Variants in TRAPPC2 observed in about 807,000 individuals in gnomAD.
TRAPPC2 encodes the protein sedlin.
Under a neutral mutation model 10.0 loss-of-function variants are expected in TRAPPC2, and 4 were observed. The ratio of observed to expected loss-of-function variants is 0.40; its 90% CI spans 0.20 to 0.92. TRAPPC2 has a LOEUF of 0.92. TRAPPC2 is among the 40% of genes least tolerant of loss of function. The probability of loss-of-function intolerance (pLI) is 0.35; values close to 1 mark genes in which losing one functional copy is unlikely to be tolerated. For missense variants in TRAPPC2, 52 were observed against 108.7 expected, an observed-to-expected ratio of 0.48 and a Z score of 2.32; for synonymous variants, 36 against 37.3, an observed-to-expected ratio of 0.97 and a Z score of 0.12.
At chrX:13,725,604 C>A (rs2046530370) in intron 2 of TRAPPC2, among the ~76,000 whole-genome samples, 1 of 112,483 alleles carries the variant, frequency 8.9e-6, no homozygotes, top group Non-Finnish European at 1.9e-5. Flanking sequence ...ATCTGTAGGT[C>A]ACCAACATCA....
intron 2 of TRAPPC2, among the ~76,000 whole-genome samples, chrX:13,724,443 G>C (rs1210180985): frequency 9.3e-5 from 10 of 107,890 alleles, no homozygotes; most frequent in African/African-American, 3.4e-4. Context: ...CTACGATCAG[G>C]AAAAAGCAAG....
intron 2 of TRAPPC2, among the ~76,000 whole-genome samples, chrX:13,732,299 C>T (rs980112573): frequency 1.8e-5 from 2 of 111,928 alleles, no homozygotes; most frequent in African/African-American, 3.3e-5. Context: ...ACAAGAGCAA[C>T]TGAAGTAACA....
chrX:13,724,460 G>A (rs2046498228), intron 2 of TRAPPC2, among the ~76,000 whole-genome samples: 1 of 109,285 alleles, frequency 9.2e-6, no homozygotes. Flanking sequence ...CAAGGGAGAA[G>A]GGTCAACTGC....
intron 3 of TRAPPC2, among the ~76,000 whole-genome samples, chrX:13,718,599 G>A (rs1381061528): frequency 1.8e-5 from 2 of 112,322 alleles, no homozygotes; most frequent in African/African-American, 6.5e-5. Flanking sequence ...AAGTTTTAAT[G>A]AGTAGTGTTC....
chrX:13,714,241 T>G lies in TRAPPC2; in HGVS notation c.*166A>C. 2 of 318,797 alleles carry G rather than the reference T, an allele frequency of 6.3e-6. No individual in the cohort carries two copies. The highest frequency in any genetic ancestry group is 4.7e-5 in the East Asian group (1 of 21,171). 26.3% of individuals were successfully genotyped at this position (318,797 alleles called of 1,213,427 possible). On this transcript the variant is annotated 3_prime_UTR_variant, in exon 6 of 6. Coordinates refer to ENST00000380579, the MANE Select transcript of TRAPPC2 (RefSeq NM_001011658.4). Reference sequence around the variant, plus strand: ...CCAATTGATCTATTGATACGTGACATGAGACAGAATGTACTATTTTTAAAT... The same window carrying G: ...CCAATTGATCTATTGATACGTGACAGGAGACAGAATGTACTATTTTTAAAT...
rs1274410269 is a variant in TRAPPC2 at position 13,714,353 on chromosome X, A to G, written c.*54T>C. 6 of 790,956 alleles carry G rather than the reference A, an allele frequency of 7.6e-6. No homozygotes were observed. Among genetic ancestry groups the G allele is most frequent in the Non-Finnish European group, 9.0e-6 (5 of 555,731 alleles). 65.2% of individuals were successfully genotyped at this position (790,956 alleles called of 1,213,427 possible). A position where few individuals can be genotyped will look rare whatever the true frequency, so the allele number is the denominator to read the frequency against. On this transcript the variant is annotated 3_prime_UTR_variant, in exon 6 of 6. Coordinates refer to ENST00000380579, the MANE Select transcript of TRAPPC2 (RefSeq NM_001011658.4). ...TAATCAAGTAACTTACAATGTACACATTCCTGAGTATACACCATTGTGGTG... is the reference window on the plus strand; with the variant it reads ...TAATCAAGTAACTTACAATGTACACGTTCCTGAGTATACACCATTGTGGTG...
chrX:13,729,884 G>C (rs972135095), intron 2 of TRAPPC2, among the ~76,000 whole-genome samples: 2 of 111,344 alleles, frequency 1.8e-5, no homozygotes, highest in Admixed American at 1.9e-4. Context: ...CTCCAGCCTG[G>C]GCAACAAGAG....
intron 3 of TRAPPC2, among the ~76,000 whole-genome samples, chrX:13,717,468 G>A (rs1313226592): frequency 8.9e-6 from 1 of 111,817 alleles, no homozygotes; most frequent in African/African-American, 3.3e-5. Flanking sequence ...TTGGCCAGGC[G>A]CGGTGGCTTA....
intron 2 of TRAPPC2, among the ~76,000 whole-genome samples, chrX:13,732,545 A>G (rs1275878929): frequency 8.9e-6 from 1 of 112,854 alleles, no homozygotes; most frequent in Non-Finnish European, 1.9e-5. Context: ...GCTGTGATCA[A>G]TTATCCATGT....
In TRAPPC2 at chrX:13,714,230, G is replaced by T; in HGVS notation, c.*177C>A. 1.9e-5 allele frequency: 5 copies of T among 256,712 alleles called. No homozygotes were observed. Among genetic ancestry groups the T allele is most frequent in the East Asian group, 1.2e-4 (2 of 16,041 alleles). The allele number at this position is 256,712 out of a possible 1,213,427, so 21.2% of individuals were successfully genotyped here. ...ACAAGGAAATACCAATTGATCTATT[G>T]ATACGTGACATGAGACAGAATGTAC... On this transcript the variant is annotated 3_prime_UTR_variant, in exon 6 of 6. Coordinates refer to ENST00000380579, the MANE Select transcript of TRAPPC2 (RefSeq NM_001011658.4).
intron 2 of TRAPPC2, chrX:13,721,279 C>T (rs1276974632): frequency 8.9e-6 from 1 of 112,118 alleles, no homozygotes; most frequent in African/African-American, 3.2e-5. Context: ...CAGTCCTTAA[C>T]TTCCTAATGT....
At chrX:13,720,058 A>G in intron 2 of TRAPPC2, 76 bp from the exon 3 acceptor site, 1 of 740,770 alleles carries the variant, frequency 1.3e-6, no homozygotes, top group Non-Finnish European at 1.9e-6. Context: ...GAAGTGTAGA[A>G]TTCTTTTTTA....
intron 1 of TRAPPC2, 134 bp downstream of exon 1, chrX:13,734,391 G>C (rs2046761211): frequency 7.0e-6 from 2 of 286,274 alleles, no homozygotes; most frequent in African/African-American, 5.5e-5. Flanking sequence ...AGCCAGCGGA[G>C]GGCTGGCAGG....
In TRAPPC2 at chrX:13,714,201, G is replaced by A. The variant is rs1377195591; in HGVS notation, c.*206C>T. ...TAATGAACTCTTTATAAATAACACTGTTCACAAGGAAATACCAATTGATCT... is the reference window on the plus strand; with the variant it reads ...TAATGAACTCTTTATAAATAACACTATTCACAAGGAAATACCAATTGATCT... On this transcript the variant is annotated 3_prime_UTR_variant, in exon 6 of 6. Coordinates refer to ENST00000380579, the MANE Select transcript of TRAPPC2 (RefSeq NM_001011658.4). The A allele has an allele frequency of 1.1e-4, 27 of 249,197 alleles. No individual in the cohort carries two copies. Among genetic ancestry groups the A allele is most frequent in the Non-Finnish European group, 1.3e-4 (18 of 138,558 alleles). The allele number at this position is 249,197 out of a possible 1,213,427, so 20.5% of individuals were successfully genotyped here.
chrX:13,715,988 A>G lies in TRAPPC2; in HGVS notation c.324+16T>C. ...CCTTTCTCATCAGAATTTAAAAATT[A>G]TAGAACATACCATACCTTTATATAT... is the stretch of plus-strand genomic sequence containing the variant. On this transcript the variant is annotated intron_variant, in intron 5 of 5. Coordinates refer to ENST00000380579, the MANE Select transcript of TRAPPC2 (RefSeq NM_001011658.4). The G allele has an allele frequency of 3.4e-6, 4 of 1,174,329 alleles. No individual in the cohort carries two copies. The highest frequency in any genetic ancestry group is 3.4e-6 in the Non-Finnish European group (3 of 873,833).
intron 2 of TRAPPC2, chrX:13,722,329 G>A (rs760013638): frequency 1.8e-5 from 2 of 109,552 alleles, no homozygotes; most frequent in Admixed American, 1.9e-4. Context: ...AGCCACGAAT[G>A]GGCAAGCAGC....
chrX:13,716,076 A>G lies in TRAPPC2; in HGVS notation c.252T>C (p.Ile84=), dbSNP rs759742990. The G allele has an allele frequency of 8.4e-7, 1 of 1,190,344 alleles. No individual in the cohort carries two copies. The highest frequency in any genetic ancestry group is 1.8e-5 in the South Asian group (1 of 55,170). The change falls in exon 5 of 6, where the codon ATT becomes ATC. Residue 84 remains isoleucine (I), a synonymous_variant. Transcript: ENST00000380579. ...AFVTAGHMRF[I]MLHDIRQEDG... is the part of the protein sequence containing the mutation. ...CTTCTTGTCTTATGTCATGAAGCAT[A>G]ATAAACCTCATATGTGAAATAATTA...
chrX:13,717,060 AAAAACAAG>A (rs2046308644), intron 3 of TRAPPC2, among the ~76,000 whole-genome samples: 1 of 104,772 alleles, frequency 9.5e-6, no homozygotes, highest in African/African-American at 3.5e-5. Context: ...AAAAAAAAAA[AAAAACAAG>A]ATCCTGTGGA....
At chrX:13,732,796 C>A (rs2046703893) in intron 2 of TRAPPC2, among the ~76,000 whole-genome samples, 1 of 112,826 alleles carries the variant, frequency 8.9e-6, no homozygotes. Context: ...CTCATGGACT[C>A]CAGTTCCAAA....
Sources: allele counts gnomAD v4.1 joint callset (sites outside exome capture counted in the v4.1 genomes callset), GRCh38; gene constraint gnomAD v4.1.1; transcripts MANE v1.5; gene names NCBI Gene and HGNC (gene_info 2026-07-23, HGNC 2026-07-21).